CCDC30: variants seen among roughly 807,000 people sequenced by gnomAD.
CCDC30 encodes the protein coiled-coil domain containing 30.
A neutral mutation model predicts 100.2 loss-of-function variants in CCDC30; 70 were observed. The observed-to-expected ratio is 0.70, with a 90% CI of 0.58 to 0.85. The LOEUF (loss-of-function observed/expected upper bound fraction) is 0.85. Among genes scored for constraint, CCDC30 ranks in the 40% least tolerant of loss-of-function variants. The pLI is 0.00. For missense variants in CCDC30, 652 were observed against 771.2 expected, an observed-to-expected ratio of 0.85 and a Z score of 1.83; for synonymous variants, 233 against 269.5, an observed-to-expected ratio of 0.86 and a Z score of 1.33.
At chr1:42,635,189 G>A (rs1428801795) in intron 11 of CCDC30, among the ~76,000 whole-genome samples, 10 of 152,058 alleles carry the variant, frequency 6.6e-5, no homozygotes, top group Admixed American at 6.6e-5. Context: ...CTGAATACAG[G>A]TGCCCGCCAC....
intron 6 of CCDC30, among the ~76,000 whole-genome samples, chr1:42,546,690 A>G (rs937771112): frequency 1.3e-5 from 2 of 151,826 alleles, no homozygotes; most frequent in Middle Eastern, 3.4e-3. Flanking sequence ...TAATTTTTTG[A>G]CCACTTTTCT....
chr1:42,491,282 A>G (rs1256165215), intron 4 of CCDC30, among the ~76,000 whole-genome samples: 2 of 152,224 alleles, frequency 1.3e-5, no homozygotes. Context: ...TATACCCATG[A>G]AACATTCACC....
intron 7 of CCDC30, among the ~76,000 whole-genome samples, chr1:42,576,668 T>G (rs1168561427): frequency 2.0e-5 from 3 of 152,222 alleles, no homozygotes; most frequent in Non-Finnish European, 4.4e-5. Context: ...AGAATGCTAC[T>G]GAGAAGTCAC....
intron 2 of CCDC30, among the ~76,000 whole-genome samples, chr1:42,481,611 C>G (rs1643959450): frequency 6.8e-6 from 1 of 147,976 alleles, no homozygotes; most frequent in Admixed American, 6.7e-5. Flanking sequence ...CACCTTGGGA[C>G]TATACATATT....
intron 12 of CCDC30, among the ~76,000 whole-genome samples, chr1:42,641,501 T>C (rs1390351718): frequency 6.6e-6 from 1 of 151,276 alleles, no homozygotes; most frequent in Non-Finnish European, 1.5e-5. Context: ...CAGTGAGCCA[T>C]GATTGTACCA....
At chr1:42,532,959 C>T (rs1464423440) in intron 6 of CCDC30, among the ~76,000 whole-genome samples, 4 of 152,070 alleles carry the variant, frequency 2.6e-5, no homozygotes, top group African/African-American at 7.2e-5. Flanking sequence ...TTAGTAGAGA[C>T]GGCGTTTCAC....
intron 10 of CCDC30, chr1:42,595,304 T>C (rs1646264081): frequency 6.6e-6 from 1 of 152,224 alleles, no homozygotes; most frequent in Non-Finnish European, 1.5e-5. Flanking sequence ...CCCAGCACTT[T>C]GGAAGCCCAA....
intron 6 of CCDC30, among the ~76,000 whole-genome samples, chr1:42,562,478 T>C (rs781739806): frequency 1.3e-5 from 2 of 152,128 alleles, no homozygotes; most frequent in East Asian, 1.9e-4. Context: ...AAGACTTAAA[T>C]GTAAAACTCA....
chr1:42,635,678 G>A (rs561114623), intron 11 of CCDC30, among the ~76,000 whole-genome samples: 3 of 152,034 alleles, frequency 2.0e-5, no homozygotes, highest in South Asian at 2.1e-4. Context: ...GCGTGGTGGT[G>A]GGTGCCTGTA....
chr1:42,518,521 A>G (rs903928454), intron 6 of CCDC30, among the ~76,000 whole-genome samples: 2 of 152,210 alleles, frequency 1.3e-5, no homozygotes, highest in African/African-American at 4.8e-5. Flanking sequence ...ATATACAAAT[A>G]CCATTTTGTT....
intron 1 of CCDC30, among the ~76,000 whole-genome samples, chr1:42,479,116 C>T (rs1643917584): frequency 6.6e-6 from 1 of 152,114 alleles, no homozygotes. Context: ...TGTTTCGCAC[C>T]TGTAATCTCA....
intron 1 of CCDC30, among the ~76,000 whole-genome samples, chr1:42,474,272 T>C (rs2783373): frequency 0.98 from 149,185 of 152,256 alleles, 73,155 homozygotes; most frequent in East Asian, 1. Context: ...TCTGTTTAAC[T>C]CTGGGCAAGT....
intron 10 of CCDC30, among the ~76,000 whole-genome samples, chr1:42,607,015 T>A (rs1437957508): frequency 6.6e-6 from 1 of 152,202 alleles, no homozygotes; most frequent in Non-Finnish European, 1.5e-5. Context: ...AGGATTACTA[T>A]AAGAAGGGCA....
chr1:42,481,348 GACAGATCGC>G (rs1415450823), intron 2 of CCDC30, among the ~76,000 whole-genome samples: 3 of 152,084 alleles, frequency 2.0e-5, no homozygotes, highest in African/African-American at 7.2e-5. Context: ...GGCCAAGGCA[GACAGATCGC>G]CTGAGGTCAG....
intron 7 of CCDC30, among the ~76,000 whole-genome samples, chr1:42,573,155 C>G (rs1307319883): frequency 6.6e-6 from 1 of 152,138 alleles, no homozygotes; most frequent in African/African-American, 2.4e-5. Context: ...CACATGAACT[C>G]ACATAGAACC....
At chr1:42,610,381 T>C (rs1197318711) in intron 10 of CCDC30, among the ~76,000 whole-genome samples, 1 of 152,024 alleles carries the variant, frequency 6.6e-6, no homozygotes, top group Non-Finnish European at 1.5e-5. Flanking sequence ...AGAACAGCTT[T>C]CACTTTATAT....
intron 11 of CCDC30, among the ~76,000 whole-genome samples, chr1:42,614,968 T>C (rs1570253967): frequency 6.6e-6 from 1 of 152,188 alleles, no homozygotes; most frequent in Non-Finnish European, 1.5e-5. Flanking sequence ...GTAACCATAA[T>C]AGGTTTGTTG....
At chr1:42,534,535 A>AT (rs1557831942) in intron 6 of CCDC30, among the ~76,000 whole-genome samples, 1 of 152,166 alleles carries the variant, frequency 6.6e-6, no homozygotes, top group African/African-American at 2.4e-5. Flanking sequence ...TTTAGTATCC[A>AT]TTTTTCTAAT....
At chr1:42,607,655 GA>G (rs112087404) in intron 10 of CCDC30, among the ~76,000 whole-genome samples, 6,481 of 147,830 alleles carry the variant, frequency 0.044, 435 homozygotes, top group African/African-American at 0.14. Flanking sequence ...CCTGTTCTGG[GA>G]AAAAAAAAAA....
Sources: gnomAD v4.1 joint callset for allele counts (sites outside exome capture counted in the v4.1 genomes callset) on GRCh38, gnomAD v4.1.1 for gene constraint, MANE v1.5 for transcripts, NCBI Gene and HGNC (gene_info 2026-07-23, HGNC 2026-07-21) for gene names.